The following NDRG3 variants were observed in gnomAD, a reference collection of about 807,000 sequenced individuals.
NDRG3 encodes the protein NDRG family member 3.
NDRG3 carries 23 observed loss-of-function variants against 57.2 expected under a neutral mutation model. The observed-to-expected ratio is 0.40, with a 90% confidence interval of 0.29 to 0.57. The LOEUF (loss-of-function observed/expected upper bound fraction) is 0.57, where lower values mean the gene tolerates loss of function less well. NDRG3 is among the 20% of genes least tolerant of loss of function. The pLI, the probability that NDRG3 is intolerant of heterozygous loss-of-function variation, is 0.42. For missense variants in NDRG3, 384 were observed against 457.3 expected, an observed-to-expected ratio of 0.84 and a Z score of 1.46; for synonymous variants, 132 against 162.6, an observed-to-expected ratio of 0.81 and a Z score of 1.43.
chr20:36,740,797 T>C (rs567824643), intron 1 of NDRG3, among the ~76,000 whole-genome samples: 2 of 152,308 alleles, frequency 1.3e-5, no homozygotes, highest in South Asian at 2.1e-4. Context: ...AAAACACCCT[T>C]CATATATCAG....
chr20:36,712,587 A>ATTTTTTTTTTT lies in NDRG3; in HGVS notation c.58-5591_58-5581dup, dbSNP rs71186015. Among the ~76,000 whole-genome samples the ATTTTTTTTTTT allele has an allele frequency of 1.9e-3, 11 of 5,910 alleles. 3 individuals are homozygous for ATTTTTTTTTTT. Among genetic ancestry groups the ATTTTTTTTTTT allele is most frequent in the Non-Finnish European group, 2.8e-3 (9 of 3,234 alleles). 3.9% of individuals were successfully genotyped at this position (5,910 alleles called of 152,430 possible). On this transcript the variant is annotated intron_variant, in intron 2 of 15. Coordinates refer to ENST00000349004, the MANE Select transcript of NDRG3 (RefSeq NM_032013.4). ...TATATATATATATATATATATATAT[A>ATTTTTTTTTTT]TTTTTTTTTTTTTTTTTTTTTTTTT...
At chr20:36,664,997 T>G in intron 12 of NDRG3, 49 bp downstream of exon 12, 1 of 1,582,438 alleles carries the variant, frequency 6.3e-7, no homozygotes, top group Non-Finnish European at 8.7e-7. Context: ...CCTACACATT[T>G]TATTACATTT....
Position 36,653,469 on chromosome 20 carries a change from A to T in NDRG3, c.*51T>A. On this transcript the variant is annotated 3_prime_UTR_variant, in exon 16 of 16. Coordinates refer to ENST00000349004, the MANE Select transcript of NDRG3 (RefSeq NM_032013.4). This position sits in a 1 kb window ranked among gnomAD's most constrained non-coding sequence, Gnocchi z 4.2. ...TACTGGATGAAATGTTATATTATGG[A>T]GTGGTCATTTGAAGGATGGACTTGC... The T allele has an allele frequency of 6.6e-6, 10 of 1,523,966 alleles. No individual in the cohort carries two copies. The highest frequency in any genetic ancestry group is 9.0e-6 in the Non-Finnish European group (10 of 1,107,158). The allele number at this position is 1,523,966 out of a possible 1,614,324, so 94.4% of individuals were successfully genotyped here. A position where few individuals can be genotyped will look rare whatever the true frequency, so the allele number is the denominator to read the frequency against.
chr20:36,656,914 A>G (rs1444305113), intron 13 of NDRG3, among the ~76,000 whole-genome samples: 1 of 152,044 alleles, frequency 6.6e-6, no homozygotes, highest in Non-Finnish European at 1.5e-5. Flanking sequence ...TCAACTCTAC[A>G]TTATCTTTCC....
chr20:36,694,940 TAGCATCAAGGTTTCACC>T (rs1227396347), intron 3 of NDRG3, among the ~76,000 whole-genome samples: 1 of 152,090 alleles, frequency 6.6e-6, no homozygotes, highest in Non-Finnish European at 1.5e-5. Context: ...GTACTGTTTG[TAGCATCAAGGTTTCACC>T]ATATTGCCCA....
At chr20:36,669,282 T>C (rs1399552401) in intron 9 of NDRG3, among the ~76,000 whole-genome samples, 1 of 150,324 alleles carries the variant, frequency 6.7e-6, no homozygotes, top group Admixed American at 6.7e-5. Context: ...AGAGCTGGGG[T>C]GCAATGGTGC....
At chr20:36,657,311 A>T (rs1466607926) in intron 13 of NDRG3, among the ~76,000 whole-genome samples, 1 of 152,010 alleles carries the variant, frequency 6.6e-6, no homozygotes, top group Admixed American at 6.6e-5. Context: ...AGCATGGTGA[A>T]ACTCCATCTC....
intron 3 of NDRG3, among the ~76,000 whole-genome samples, chr20:36,706,590 G>A (rs553864346): frequency 1.3e-5 from 2 of 152,110 alleles, no homozygotes; most frequent in Non-Finnish European, 2.9e-5. Context: ...CTGAACCTCT[G>A]CCTCCTGAGT....
At chr20:36,660,262 AAGCAATTATTCC>A in intron 13 of NDRG3, 63 bp downstream of exon 13, 7 of 1,178,974 alleles carry the variant, frequency 5.9e-6, no homozygotes, top group Admixed American at 2.1e-5. Context: ...GCTCCTTTCT[AAGCAATTATTCC>A]AGAAAATATG....
chr20:36,695,553 G>A (rs1015320491), intron 3 of NDRG3, among the ~76,000 whole-genome samples: 1 of 152,188 alleles, frequency 6.6e-6, no homozygotes, highest in African/African-American at 2.4e-5. Context: ...TGGCCGCTGT[G>A]GGAGTGTCTG....
intron 12 of NDRG3, among the ~76,000 whole-genome samples, chr20:36,664,698 C>CT (rs918460677): frequency 5.3e-5 from 8 of 151,644 alleles, no homozygotes; most frequent in Admixed American, 1.3e-4. Flanking sequence ...GTGTTACATA[C>CT]TTTTTTTTTG....
intron 1 of NDRG3, among the ~76,000 whole-genome samples, chr20:36,734,206 CAA>C (rs572585665): frequency 2.3e-5 from 3 of 128,222 alleles, no homozygotes; most frequent in Admixed American, 8.0e-5. Context: ...GACTCCGTCT[CAA>C]AAAAAAAAAA....
Position 36,681,752 on chromosome 20 carries a change from C to G in NDRG3, c.444+766G>C, listed in dbSNP as rs966162379. On this transcript the variant is annotated intron_variant, in intron 7 of 15. Transcript: ENST00000349004. Reference sequence around the variant, plus strand: ...TTCGCTCTTGTTGCCCAGGCTGGTGCAGTGATGCTATCTCGGCTCACTACA... The same window carrying G: ...TTCGCTCTTGTTGCCCAGGCTGGTGGAGTGATGCTATCTCGGCTCACTACA... 4.0e-4 allele frequency among the ~76,000 whole-genome samples: 60 copies of G among 151,640 alleles called. 1 individual carries two copies. The highest frequency in any genetic ancestry group is 1.4e-3 in the African/African-American group (56 of 41,310).
At chr20:36,676,470 TTTTG>T (rs796891612) in intron 8 of NDRG3, among the ~76,000 whole-genome samples, 2 of 152,258 alleles carry the variant, frequency 1.3e-5, no homozygotes, top group East Asian at 1.9e-4. Flanking sequence ...TTTTGTTTTG[TTTTG>T]TTTTTTTGAG....
chr20:36,719,311 C>T (rs1984451177), intron 2 of NDRG3, among the ~76,000 whole-genome samples: 1 of 151,390 alleles, frequency 6.6e-6, no homozygotes, highest in Non-Finnish European at 1.5e-5. Context: ...CCTGTAGTCC[C>T]AGCTACTTGG....
At chr20:36,670,039 T>C (rs1980012878) in intron 9 of NDRG3, among the ~76,000 whole-genome samples, 1 of 152,208 alleles carries the variant, frequency 6.6e-6, no homozygotes, top group Non-Finnish European at 1.5e-5. Flanking sequence ...AAGTACACAC[T>C]CTGTCATTCC....
At chr20:36,724,543 T>C (rs1422392416) in intron 1 of NDRG3, among the ~76,000 whole-genome samples, 1 of 152,234 alleles carries the variant, frequency 6.6e-6, no homozygotes, top group African/African-American at 2.4e-5. Flanking sequence ...AACTGGAATC[T>C]ACTCCATGTT....
At chr20:36,708,647 C>CAAAA (rs746647555) in intron 2 of NDRG3, among the ~76,000 whole-genome samples, 1 of 62,642 alleles carries the variant, frequency 1.6e-5, no homozygotes, top group Non-Finnish European at 3.1e-5. Flanking sequence ...GACTCCGTCT[C>CAAAA]AAAAAAAAAA....
At chr20:36,690,294 C>T (rs1982156365) in intron 3 of NDRG3, among the ~76,000 whole-genome samples, 2 of 152,264 alleles carry the variant, frequency 1.3e-5, no homozygotes, top group African/African-American at 4.8e-5. Flanking sequence ...AAAAGATGCA[C>T]CGAGCAAAGC....
Sources: gnomAD v4.1 joint callset for allele counts (sites outside exome capture counted in the v4.1 genomes callset) on GRCh38, gnomAD v4.1.1 for gene constraint, Gnocchi (gnomAD v3.1) non-coding constraint, MANE v1.5 for transcripts, NCBI Gene and HGNC (gene_info 2026-07-23, HGNC 2026-07-21) for gene names.